PCSK9: variants seen among roughly 807,000 people sequenced by gnomAD.
The protein encoded by PCSK9 is convertase subtilisin/kexin type 9 preproprotein.
In PCSK9, 57 loss-of-function variants were observed where a neutral mutation model predicts 62.1. The observed-to-expected ratio is 0.92, with a 90% confidence interval of 0.74 to 1.14. PCSK9 has a LOEUF of 1.14. Among genes scored for constraint, PCSK9 ranks in the 50% most tolerant of loss-of-function variants. The pLI, the probability that PCSK9 is intolerant of heterozygous loss-of-function variation, is 0.00. For synonymous variants in PCSK9, 387 were observed against 409.4 expected, an observed-to-expected ratio of 0.95 and a Z score of 0.66; for missense variants, 870 against 959.8, an observed-to-expected ratio of 0.91 and a Z score of 1.24.
At position 55,063,712 on chromosome 1, in the gene PCSK9, TC is replaced by T. The variant is rs1644780799; in HGVS notation, c.*130del. On this transcript the variant is annotated 3_prime_UTR_variant, in exon 12 of 12. Transcript: ENST00000302118. The stretch of plus-strand genomic sequence containing the variant: ...GAGGGGATGGGGATGCTTCCGCCTT[TC>T]CGGGGCTGCTGGCCTGGCCCTTGAG... 8.6e-7 allele frequency: 1 copy of T among 1,162,102 alleles called. No homozygotes were observed. Among genetic ancestry groups the T allele is most frequent in the Admixed American group, 2.5e-5 (1 of 40,002 alleles). 72.0% of individuals were successfully genotyped at this position (1,162,102 alleles called of 1,614,324 possible).
At chr1:55,048,663 G>T (rs1453553076) in intron 3 of PCSK9, among the ~76,000 whole-genome samples, 1 of 152,198 alleles carries the variant, frequency 6.6e-6, no homozygotes, top group Admixed American at 6.5e-5. Flanking sequence ...TCATGGGGAG[G>T]CCACAAGCAT....
chr1:55,052,585 C>G, intron 4 of PCSK9, 65 bp from the exon 5 acceptor site: 1 of 1,606,706 alleles, frequency 6.2e-7, no homozygotes, highest in South Asian at 1.1e-5. Context: ...CATCCAGCCA[C>G]CTGCTGATTT....
intron 3 of PCSK9, among the ~76,000 whole-genome samples, chr1:55,049,310 G>T (rs1478054902): frequency 6.6e-6 from 1 of 152,248 alleles, no homozygotes; most frequent in East Asian, 1.9e-4. Context: ...GAGGGCCTGG[G>T]TGGCCTCCAG....
intron 1 of PCSK9, among the ~76,000 whole-genome samples, chr1:55,043,541 A>G (rs1386927526): frequency 2.0e-5 from 3 of 152,326 alleles, no homozygotes; most frequent in Middle Eastern, 3.4e-3. Context: ...ACCAGGAGCG[A>G]CCAGGCCCGT....
intron 5 of PCSK9, among the ~76,000 whole-genome samples, chr1:55,055,255 A>T (rs1644705396): frequency 6.6e-6 from 1 of 152,112 alleles, no homozygotes; most frequent in African/African-American, 2.4e-5. Flanking sequence ...GACTCTGTTC[A>T]AGTTTGTGTG....
chr1:55,040,137 A>G lies in PCSK9; in HGVS notation c.207+93A>G. 6.8e-7 allele frequency: 1 copy of G among 1,471,812 alleles called. No homozygotes were observed. Among genetic ancestry groups the G allele is most frequent in the Middle Eastern group, 2.4e-4 (1 of 4,230 alleles). The allele number at this position is 1,471,812 out of a possible 1,614,324, so 91.2% of individuals were successfully genotyped here. On this transcript the variant is annotated intron_variant, in intron 1 of 11. Transcript: ENST00000302118. This position sits in a 1 kb window ranked among gnomAD's most constrained non-coding sequence, Gnocchi z 4.1. ...GGGCCTCAGTTTCCCCCCATGTAAGAGAGGAAGTGGAGTGCAGGTCGCCGA... is the reference window on the plus strand; with the variant it reads ...GGGCCTCAGTTTCCCCCCATGTAAGGGAGGAAGTGGAGTGCAGGTCGCCGA...
intron 8 of PCSK9, 62 bp downstream of exon 8, chr1:55,058,271 A>ATAGT (rs1207278872): frequency 1.3e-6 from 2 of 1,567,986 alleles, no homozygotes; most frequent in African/African-American, 2.7e-5. Flanking sequence ...TGTGACCTTG[A>ATAGT]CAGTCTCTCC....
At chr1:55,061,276 C>G (rs1297081743) in intron 10 of PCSK9, 99 bp from the exon 11 acceptor site, 2 of 1,332,680 alleles carry the variant, frequency 1.5e-6, no homozygotes, top group African/African-American at 3.0e-5. Flanking sequence ...TTTCCTAGCT[C>G]TTGCCTCAGA....
rs28362240 is a variant in PCSK9 at position 55,051,790 on chromosome 1, A to C, written c.524-488A>C. ...GGACCTGGAGCCAGGAGGCCCAGAC[A>C]TACATCCTGTCCGAGCTGCAGCTTC... On this transcript the variant is annotated intron_variant, in intron 3 of 11. Coordinates refer to ENST00000302118, the MANE Select transcript of PCSK9 (RefSeq NM_174936.4). The C allele has an allele frequency of 2.1e-3, 547 of 263,734 alleles. 3 individuals are homozygous for C. Among genetic ancestry groups the C allele is most frequent in the African/African-American group, 0.012 (522 of 44,140 alleles). The allele number at this position is 263,734 out of a possible 1,614,324, so 16.3% of individuals were successfully genotyped here.
Position 55,045,140 on chromosome 1 carries a change from C to T in PCSK9, c.399+1106C>T, listed in dbSNP as rs1192999179. Among the ~76,000 whole-genome samples the T allele has an allele frequency of 3.3e-5, 5 of 151,778 alleles. No individual in the cohort carries two copies. In the South Asian group the frequency reaches 8.3e-4, roughly 25 times the overall value. ...CAATGTGCTCAGCCTTGGGGAGAGA[C>T]GAAGAAGGTACCCGTATAGCACCAG... is the stretch of plus-strand genomic sequence containing the variant. On this transcript the variant is annotated intron_variant, in intron 2 of 11. Transcript: ENST00000302118.
rs750829547 is a variant in PCSK9 at position 55,040,029 on chromosome 1, C to T, written c.192C>T (p.Phe64=). 4 of 1,569,982 alleles carry T rather than the reference C, an allele frequency of 2.5e-6. No individual in the cohort carries two copies. The East Asian group carries it at 9.5e-5, about 37-fold the overall frequency. The change falls in exon 1 of 12, where the codon TTC becomes TTT. Residue 64 remains phenylalanine, a synonymous_variant. Transcript: ENST00000302118. This position sits in a 1 kb window ranked among gnomAD's most constrained non-coding sequence, Gnocchi z 4.1. Reference sequence around the variant, plus strand: ...CCGAGCACGGAACCACAGCCACCTTCCACCGCTGCGCCAAGGTGCGGGTGT... The same window carrying T: ...CCGAGCACGGAACCACAGCCACCTTTCACCGCTGCGCCAAGGTGCGGGTGT... The part of the protein sequence containing the change: ...EAPEHGTTAT[F]HRCAKDPWRL...
At chr1:55,045,894 G>A (rs1183380943) in intron 2 of PCSK9, among the ~76,000 whole-genome samples, 1 of 152,048 alleles carries the variant, frequency 6.6e-6, no homozygotes, top group African/African-American at 2.4e-5. Flanking sequence ...ATTTTTAATA[G>A]AGATGGGGTT....
Position 55,043,971 on chromosome 1 carries a change from G to A in PCSK9, c.336G>A (p.Leu112=), listed in dbSNP as rs79805678. 1,483 of 1,614,236 alleles carry A rather than the reference G, an allele frequency of 9.2e-4. 35 individuals are homozygous for A. In the East Asian group the frequency reaches 0.032, roughly 35 times the overall value. The change falls in exon 2 of 12, where the codon CTG becomes CTA. Residue 112 remains leucine (L), a synonymous_variant. Coordinates refer to ENST00000302118, the MANE Select transcript of PCSK9 (RefSeq NM_174936.4). ...GCCGGGGATACCTCACCAAGATCCT[G>A]CATGTCTTCCATGGCCTTCTTCCTG... ...AARRGYLTKI[L]HVFHGLLPGF... is the part of the protein sequence containing the mutation.
chr1:55,052,208 TTC>T (rs1276437206), intron 3 of PCSK9, 68 bp from the exon 4 acceptor site: 4 of 1,603,624 alleles, frequency 2.5e-6, no homozygotes, highest in Admixed American at 1.7e-5. Flanking sequence ...GCTCTGTAGT[TTC>T]TGTGTGTTAA....
chr1:55,045,955 C>CT (rs1397233154), intron 2 of PCSK9, among the ~76,000 whole-genome samples: 1 of 151,970 alleles, frequency 6.6e-6, no homozygotes, highest in East Asian at 1.9e-4. Context: ...GGTGATCCCC[C>CT]ACCTCGGCCT....
chr1:55,055,253 T>TC (rs1336679922), intron 5 of PCSK9, among the ~76,000 whole-genome samples: 8 of 152,110 alleles, frequency 5.3e-5, no homozygotes, highest in Non-Finnish European at 1.2e-4. Flanking sequence ...AAGACTCTGT[T>TC]CAAGTTTGTG....
At chr1:55,052,012 G>A (rs1047996642) in intron 3 of PCSK9, 2 of 544,548 alleles carry the variant, frequency 3.7e-6, no homozygotes, top group Non-Finnish European at 6.6e-6. Flanking sequence ...TGAAGGAGCA[G>A]GATGACTTGG....
chr1:55,050,563 A>G (rs1450108583), intron 3 of PCSK9, among the ~76,000 whole-genome samples: 1 of 152,236 alleles, frequency 6.6e-6, no homozygotes, highest in Non-Finnish European at 1.5e-5. Context: ...ATGCTACAGA[A>G]GAAACCAAAG....
intron 6 of PCSK9, 23 bp from the exon 7 acceptor site, chr1:55,057,308 C>A (rs1228994223): frequency 1.2e-6 from 2 of 1,610,480 alleles, no homozygotes; most frequent in East Asian, 4.5e-5. Context: ...CTTTCTCTGC[C>A]ACCCACCTCC....
Sources: allele counts gnomAD v4.1 joint callset (sites outside exome capture counted in the v4.1 genomes callset), GRCh38; gene constraint gnomAD v4.1.1; non-coding constraint Gnocchi (gnomAD v3.1); transcripts MANE v1.5; gene names NCBI Gene and HGNC (gene_info 2026-07-23, HGNC 2026-07-21).